Variants in NCOA2 observed in about 807,000 individuals in gnomAD.
NCOA2 encodes the protein nuclear receptor coactivator 2, also known as class E basic helix-loop-helix protein 75.
Under a neutral mutation model 145.1 loss-of-function variants are expected in NCOA2, and 21 were observed. That is an observed-to-expected ratio of 0.14 (90% confidence interval 0.10 to 0.21). The LOEUF is 0.21. Among genes scored for constraint, NCOA2 ranks in the 10% least tolerant of loss-of-function variants. The probability of loss-of-function intolerance (pLI) is 1.00; values close to 1 mark genes in which losing one functional copy is unlikely to be tolerated. For synonymous variants in NCOA2, 619 were observed against 637.5 expected, an observed-to-expected ratio of 0.97 and a Z score of 0.44; for missense variants, 1,472 against 1,837.6, an observed-to-expected ratio of 0.80 and a Z score of 3.64.
intron 5 of NCOA2, among the ~76,000 whole-genome samples, chr8:70,173,830 A>C (rs1324717973): frequency 6.6e-6 from 1 of 152,178 alleles, no homozygotes; most frequent in East Asian, 1.9e-4. Flanking sequence ...TCTAAAAATA[A>C]AAATCCCTTT....
chr8:70,367,958 T>C (rs918299746), intron 1 of NCOA2, among the ~76,000 whole-genome samples: 5 of 152,212 alleles, frequency 3.3e-5, no homozygotes, highest in Non-Finnish European at 5.9e-5. Context: ...TACTGTTACA[T>C]AGAAGTAGAC....
chr8:70,193,344 A>C (rs1816899083), intron 4 of NCOA2, among the ~76,000 whole-genome samples: 1 of 152,180 alleles, frequency 6.6e-6, no homozygotes, highest in Non-Finnish European at 1.5e-5. Flanking sequence ...CAATTAACTT[A>C]TAGTTAAATC....
chr8:70,443,319 TG>T, the NCOA2 span, among the ~76,000 whole-genome samples: 1 of 152,090 alleles, frequency 6.6e-6, no homozygotes, highest in Non-Finnish European at 1.5e-5. Context: ...CAGTGAGCCA[TG>T]GTCTGATCAT....
intron 21 of NCOA2, among the ~76,000 whole-genome samples, chr8:70,121,603 G>A (rs759041658): frequency 2.6e-5 from 4 of 152,204 alleles, no homozygotes; most frequent in Non-Finnish European, 4.4e-5. Flanking sequence ...AATACTAGCT[G>A]CCTTCAAAAT....
chr8:70,362,907 G>A (rs147923127), intron 1 of NCOA2, among the ~76,000 whole-genome samples: 40 of 151,276 alleles, frequency 2.6e-4, no homozygotes, highest in African/African-American at 4.6e-4. Context: ...GCAAAACCCC[G>A]TCTCTACAAA....
intron 2 of NCOA2, among the ~76,000 whole-genome samples, chr8:70,238,090 C>T (rs971651236): frequency 3.3e-5 from 5 of 152,074 alleles, no homozygotes; most frequent in African/African-American, 1.2e-4. Flanking sequence ...TTCCATGTTG[C>T]TCCAGAAGAC....
chr8:70,215,613 T>C (rs1819535300), intron 3 of NCOA2, among the ~76,000 whole-genome samples: 1 of 152,216 alleles, frequency 6.6e-6, no homozygotes. Context: ...TGACTTTTCC[T>C]AGCCCTCTTC....
At chr8:70,306,495 G>C (rs1827901140) in intron 1 of NCOA2, among the ~76,000 whole-genome samples, 1 of 152,184 alleles carries the variant, frequency 6.6e-6, no homozygotes, top group African/African-American at 2.4e-5. Flanking sequence ...AAACTGGATA[G>C]ATCTTGAGAT....
At chr8:70,140,235 T>C (rs1014692182) in intron 14 of NCOA2, among the ~76,000 whole-genome samples, 4 of 152,140 alleles carry the variant, frequency 2.6e-5, no homozygotes, top group Non-Finnish European at 4.4e-5. Flanking sequence ...AAGAAACCCA[T>C]TACTCATTAG....
At chr8:70,222,202 A>AG (rs1820199323) in intron 2 of NCOA2, among the ~76,000 whole-genome samples, 1 of 152,222 alleles carries the variant, frequency 6.6e-6, no homozygotes, top group Admixed American at 6.5e-5. Context: ...TTTGTTTTCA[A>AG]ATAAGTTCAA....
intron 1 of NCOA2, among the ~76,000 whole-genome samples, chr8:70,393,702 T>C (rs1245083382): frequency 6.6e-6 from 1 of 152,220 alleles, no homozygotes; most frequent in Non-Finnish European, 1.5e-5. Context: ...TTTGCTTCCC[T>C]GGAGCCTAAA....
intron 4 of NCOA2, among the ~76,000 whole-genome samples, chr8:70,193,421 GA>G (rs994895570): frequency 7.3e-5 from 11 of 151,296 alleles, no homozygotes; most frequent in Admixed American, 7.2e-4. Flanking sequence ...GGAAGTGAGG[GA>G]AAAAAAAGAC....
At chr8:70,118,916 G>C (rs547372537) in intron 22 of NCOA2, among the ~76,000 whole-genome samples, 1 of 152,164 alleles carries the variant, frequency 6.6e-6, no homozygotes, top group East Asian at 1.9e-4. Flanking sequence ...TCAAACTCTT[G>C]ACCTCAGGTG....
intron 9 of NCOA2, among the ~76,000 whole-genome samples, chr8:70,161,575 CT>C (rs1813006591): frequency 6.6e-6 from 1 of 152,130 alleles, no homozygotes; most frequent in African/African-American, 2.4e-5. Context: ...AAGATTTTTG[CT>C]TTTTTATAAG....
chr8:70,187,961 A>G (rs1385120591), intron 4 of NCOA2, among the ~76,000 whole-genome samples: 2 of 152,228 alleles, frequency 1.3e-5, no homozygotes, highest in Non-Finnish European at 2.9e-5. Flanking sequence ...GTTTGAAACA[A>G]TAAGCTTAGC....
rs79215174 is a variant in NCOA2 at position 70,215,955 on chromosome 8, C to T, written c.86+705G>A. 4.1e-3 allele frequency among the ~76,000 whole-genome samples: 627 copies of T among 152,246 alleles called. 2 individuals carry two copies. The highest frequency in any genetic ancestry group is 0.014 in the African/African-American group (572 of 41,540). Reference sequence around the variant, plus strand: ...ATTAACCCATAAAGAGCATCCTCATCTTTATCCTAGCTGAACTGTGTTCCA... The same window carrying T: ...ATTAACCCATAAAGAGCATCCTCATTTTTATCCTAGCTGAACTGTGTTCCA... On this transcript the variant is annotated intron_variant, in intron 3 of 22. Coordinates refer to ENST00000452400, the MANE Select transcript of NCOA2 (RefSeq NM_006540.4).
intron 2 of NCOA2, among the ~76,000 whole-genome samples, chr8:70,236,316 C>T (rs1428146553): frequency 6.6e-6 from 1 of 152,134 alleles, no homozygotes; most frequent in South Asian, 2.1e-4. Flanking sequence ...CCCTCCAAGA[C>T]GAAGTCTGTG....
At position 70,321,793 on chromosome 8, in the gene NCOA2, C is replaced by CTTTTTTTTTTTTTTTTTTTTTTTTTT. The variant is rs559680322; in HGVS notation, c.-76-25019_-76-24994dup. ...TGCTTTCCTAAGTTTCAGAATATAC[C>CTTTTTTTTTTTTTTTTTTTTTTTTTT]TTTTTTTTTTTTTTTTTTTTTTTTT... On this transcript the variant is annotated intron_variant, in intron 1 of 22. Transcript: ENST00000452400. Among the ~76,000 whole-genome samples the CTTTTTTTTTTTTTTTTTTTTTTTTTT allele has an allele frequency of 9.5e-5, 7 of 73,570 alleles. 1 individual carries two copies. The highest frequency in any genetic ancestry group is 1.2e-3 in the East Asian group (2 of 1,660). 48.3% of individuals were successfully genotyped at this position (73,570 alleles called of 152,430 possible).
chr8:70,206,202 C>T (rs1414147163), intron 4 of NCOA2, among the ~76,000 whole-genome samples: 1 of 152,202 alleles, frequency 6.6e-6, no homozygotes, highest in Non-Finnish European at 1.5e-5. Context: ...GAACTATAAA[C>T]TAAGATATTT....
Sources: gnomAD v4.1 joint callset for allele counts (sites outside exome capture counted in the v4.1 genomes callset) on GRCh38, gnomAD v4.1.1 for gene constraint, MANE v1.5 for transcripts, NCBI Gene and HGNC (gene_info 2026-07-23, HGNC 2026-07-21) for gene names.